ITPR1: variants seen among roughly 807,000 people sequenced by gnomAD.
ITPR1 encodes inositol 1,4,5-trisphosphate-gated calcium channel ITPR1.
ITPR1 carries 96 observed loss-of-function variants against 318.4 expected under a neutral mutation model. The ratio of observed to expected loss-of-function variants is 0.30; its 90% CI spans 0.26 to 0.36. ITPR1 has a LOEUF of 0.36. ITPR1 is among the 10% of genes least tolerant of loss of function. ITPR1 has a pLI of 1.00. For missense variants in ITPR1, 2,440 were observed against 3,460.2 expected, an observed-to-expected ratio of 0.71 and a Z score of 7.40; for synonymous variants, 1,312 against 1,289.9, an observed-to-expected ratio of 1.02 and a Z score of -0.37.
At chr3:4,525,097 T>A (rs2082873841) in intron 4 of ITPR1, among the ~76,000 whole-genome samples, 1 of 152,166 alleles carries the variant, frequency 6.6e-6, no homozygotes, top group South Asian at 2.1e-4. Flanking sequence ...TTTTTTTGTC[T>A]TCAAATTGTT....
intron 26 of ITPR1, 120 bp from the exon 27 acceptor site, chr3:4,683,266 T>C (rs754314417): frequency 6.5e-6 from 6 of 920,814 alleles, no homozygotes; most frequent in Admixed American, 5.3e-5. Context: ...AAAAGTGAAA[T>C]TGCATGTCTG....
intron 51 of ITPR1, 33 bp from the exon 52 acceptor site, chr3:4,787,914 G>A (rs530668477): frequency 2.0e-6 from 3 of 1,502,954 alleles, no homozygotes; most frequent in Non-Finnish European, 2.7e-6. Flanking sequence ...TTTCAAAGAT[G>A]AATATTTAAT....
intron 4 of ITPR1, among the ~76,000 whole-genome samples, chr3:4,619,779 TGCTCTCCTCTGCCCTCCCC>T (rs1373603733): frequency 1.1e-4 from 12 of 107,682 alleles, no homozygotes; most frequent in African/African-American, 1.7e-4. Context: ...TGCCCTCCCC[TGCTCTCCTCTGCCCTCCCC>T]TGCTCTCCTC....
chr3:4,609,098 A>ACC (rs2125096041), intron 4 of ITPR1, among the ~76,000 whole-genome samples: 1 of 132,926 alleles, frequency 7.5e-6, no homozygotes, highest in African/African-American at 2.8e-5. Flanking sequence ...ATACACACAC[A>ACC]CGTATGTCAG....
intron 61 of ITPR1, among the ~76,000 whole-genome samples, chr3:4,840,029 CTTTTTTTTT>C (rs56096727): frequency 9.5e-5 from 10 of 104,908 alleles, no homozygotes; most frequent in Non-Finnish European, 1.7e-4. Flanking sequence ...AGCATAGCTG[CTTTTTTTTT>C]TTTTTTTTTT....
In ITPR1 at chr3:4,779,924, A is replaced by G. The variant is rs2046717296; in HGVS notation, c.6387+279A>G. 6.6e-6 allele frequency among the ~76,000 whole-genome samples: 1 copy of G among 151,682 alleles called. No homozygotes were observed. Among genetic ancestry groups the G allele is most frequent in the Non-Finnish European group, 1.5e-5 (1 of 67,900 alleles). The stretch of plus-strand genomic sequence containing the variant: ...ACCGCGATTACTTTTGCACCAACCT[A>G]TATGACATTGAATACGTGCTGTTTT... On this transcript the variant is annotated intron_variant, in intron 49 of 61. Coordinates refer to ENST00000649015, the MANE Select transcript of ITPR1 (RefSeq NM_001378452.1). This position sits in a 1 kb window ranked among gnomAD's most constrained non-coding sequence, Gnocchi z 4.0.
At chr3:4,732,938 A>G in intron 42 of ITPR1, 150 bp from the exon 43 acceptor site, 1 of 781,488 alleles carries the variant, frequency 1.3e-6, no homozygotes, top group Non-Finnish European at 2.1e-6. Flanking sequence ...AGTTAACTTC[A>G]GAGTTTCTAA....
chr3:4,744,656 C>G (rs1338043997), intron 44 of ITPR1, among the ~76,000 whole-genome samples: 1 of 152,156 alleles, frequency 6.6e-6, no homozygotes, highest in Non-Finnish European at 1.5e-5. Context: ...GTTTGCTGAC[C>G]CTAGGGTTTG....
At position 4,695,193 on chromosome 3, in the gene ITPR1, A is replaced by G. The variant is rs115445187; in HGVS notation, c.4281+1452A>G. Reference sequence around the variant, plus strand: ...AATTAATTGCTGTAATAAGAAAGCAATGAGATTGCATTCTTTTCACAGTCT... The same window carrying G: ...AATTAATTGCTGTAATAAGAAAGCAGTGAGATTGCATTCTTTTCACAGTCT... On this transcript the variant is annotated intron_variant, in intron 33 of 61. Coordinates refer to ENST00000649015, the MANE Select transcript of ITPR1 (RefSeq NM_001378452.1). Among the ~76,000 whole-genome samples, 1,225 of 152,352 alleles carry G rather than the reference A, an allele frequency of 8.0e-3. 13 individuals are homozygous for G. Among genetic ancestry groups the G allele is most frequent in the African/African-American group, 0.028 (1,163 of 41,580 alleles).
intron 40 of ITPR1, among the ~76,000 whole-genome samples, chr3:4,725,199 C>T (rs1006110008): frequency 6.6e-5 from 10 of 152,054 alleles, no homozygotes; most frequent in African/African-American, 2.2e-4. Flanking sequence ...TTCCTTGTCT[C>T]GGTGGACTGA....
At chr3:4,700,507 G>A (rs964281437) in intron 35 of ITPR1, among the ~76,000 whole-genome samples, 12 of 152,142 alleles carry the variant, frequency 7.9e-5, no homozygotes, top group Admixed American at 6.5e-4. Context: ...AAAATGAAGC[G>A]GTGAACGAAA....
chr3:4,601,006 A>C (rs2091229872), intron 4 of ITPR1, among the ~76,000 whole-genome samples: 1 of 152,042 alleles, frequency 6.6e-6, no homozygotes, highest in African/African-American at 2.4e-5. Flanking sequence ...ATATTTTCTG[A>C]GTAACTAATT....
intron 10 of ITPR1, among the ~76,000 whole-genome samples, chr3:4,648,599 C>G (rs2093520323): frequency 1.3e-5 from 2 of 152,182 alleles, no homozygotes; most frequent in Non-Finnish European, 2.9e-5. Flanking sequence ...CACTGAAGGT[C>G]AGGAATTCAA....
At chr3:4,731,893 A>C (rs1382706737) in intron 42 of ITPR1, among the ~76,000 whole-genome samples, 1 of 152,232 alleles carries the variant, frequency 6.6e-6, no homozygotes, top group African/African-American at 2.4e-5. Context: ...CTCATGGTTC[A>C]GTTGCAGGTC....
At chr3:4,605,539 G>A (rs2091644171) in intron 4 of ITPR1, among the ~76,000 whole-genome samples, 1 of 152,182 alleles carries the variant, frequency 6.6e-6, no homozygotes, top group African/African-American at 2.4e-5. Context: ...AATGGACACT[G>A]AAATACGGGC....
chr3:4,718,446 A>C (rs2041925342), intron 40 of ITPR1, among the ~76,000 whole-genome samples: 2 of 152,240 alleles, frequency 1.3e-5, no homozygotes, highest in Non-Finnish European at 2.9e-5. Context: ...GAATACTAAG[A>C]AATGGTTCAG....
chr3:4,736,885 TGG>T (rs1023710045), intron 44 of ITPR1, among the ~76,000 whole-genome samples: 4 of 152,180 alleles, frequency 2.6e-5, no homozygotes, highest in Non-Finnish European at 4.4e-5. Context: ...GGGGCGATGA[TGG>T]GGCAGTGGTT....
chr3:4,725,867 G>A (rs1245768951), intron 41 of ITPR1, among the ~76,000 whole-genome samples: 3 of 152,152 alleles, frequency 2.0e-5, no homozygotes, highest in Non-Finnish European at 4.4e-5. Flanking sequence ...ACATTTAGCT[G>A]AGACATGTGA....
At chr3:4,796,098 A>G (rs1033621941) in intron 53 of ITPR1, among the ~76,000 whole-genome samples, 1 of 152,224 alleles carries the variant, frequency 6.6e-6, no homozygotes, top group Non-Finnish European at 1.5e-5. Context: ...TAGCTTAATC[A>G]TGCAGACATC....
Sources: gnomAD v4.1 joint callset for allele counts (sites outside exome capture counted in the v4.1 genomes callset) on GRCh38, gnomAD v4.1.1 for gene constraint, Gnocchi (gnomAD v3.1) non-coding constraint, MANE v1.5 for transcripts, NCBI Gene and HGNC (gene_info 2026-07-23, HGNC 2026-07-21) for gene names.